MYO1H: variants seen among roughly 807,000 people sequenced by gnomAD.
MYO1H encodes unconventional myosin-Ih.
In MYO1H, 118 loss-of-function variants were observed where a neutral mutation model predicts 149.3. The ratio of observed to expected loss-of-function variants is 0.79; its 90% CI spans 0.68 to 0.92. The LOEUF (loss-of-function observed/expected upper bound fraction) is 0.92. Among genes scored for constraint, MYO1H ranks in the 40% least tolerant of loss-of-function variants. MYO1H has a pLI of 0.00. For synonymous variants in MYO1H, 447 were observed against 465.2 expected, an observed-to-expected ratio of 0.96 and a Z score of 0.50; for missense variants, 1,212 against 1,280.7, an observed-to-expected ratio of 0.95 and a Z score of 0.82.
At chr12:109,368,662 G>C (rs935581943) in intron 1 of MYO1H, among the ~76,000 whole-genome samples, 1 of 121,614 alleles carries the variant, frequency 8.2e-6, no homozygotes, top group Non-Finnish European at 1.8e-5. Flanking sequence ...AAAAAAAAAG[G>C]GTTCTTGCTG....
At chr12:109,394,196 C>G (rs189934293) in intron 3 of MYO1H, among the ~76,000 whole-genome samples, 1 of 152,294 alleles carries the variant, frequency 6.6e-6, no homozygotes, top group East Asian at 1.9e-4. Context: ...GAATTATTCA[C>G]CTGAACTCAG....
At chr12:109,405,878 C>T (rs1417001476) in intron 7 of MYO1H, 44 bp from the exon 8 acceptor site, 3 of 1,408,690 alleles carry the variant, frequency 2.1e-6, no homozygotes, top group Admixed American at 3.4e-5. Flanking sequence ...CGTTCTCTTT[C>T]CCTGTCCTGA....
chr12:109,364,433 T>G (rs1868823870), intron 1 of MYO1H, among the ~76,000 whole-genome samples: 1 of 152,088 alleles, frequency 6.6e-6, no homozygotes, highest in Non-Finnish European at 1.5e-5. Context: ...GGCTCAATCC[T>G]CCCACCTCAG....
exon 32 of MYO1H, chr12:109,448,070 A>T (rs1426640180): frequency 6.6e-6 from 1 of 152,126 alleles, no homozygotes; most frequent in Non-Finnish European, 1.5e-5. Context: ...GATTCACCAA[A>T]ACTTAGGTAA....
At chr12:109,348,742 A>G (rs886643783) in intron 1 of MYO1H, among the ~76,000 whole-genome samples, 1 of 152,238 alleles carries the variant, frequency 6.6e-6, no homozygotes, top group Non-Finnish European at 1.5e-5. Context: ...TTTCGATAGC[A>G]TAATCATCTC....
chr12:109,381,869 T>G (rs143344727), intron 1 of MYO1H, among the ~76,000 whole-genome samples: 2 of 152,272 alleles, frequency 1.3e-5, no homozygotes, highest in East Asian at 3.9e-4. Flanking sequence ...AACCAATACA[T>G]ATAAACCTTT....
intron 1 of MYO1H, among the ~76,000 whole-genome samples, chr12:109,366,873 C>T (rs1482904223): frequency 6.6e-6 from 1 of 152,128 alleles, no homozygotes; most frequent in Non-Finnish European, 1.5e-5. Context: ...TGCAAAATGC[C>T]CGCAAATCCG....
chr12:109,328,301 CATTA>C, the MYO1H span, among the ~76,000 whole-genome samples: 1 of 152,014 alleles, frequency 6.6e-6, no homozygotes, highest in Admixed American at 6.5e-5. Context: ...AAGCAACATG[CATTA>C]ATTCTTAATC....
chr12:109,336,176 G>A, the MYO1H span, among the ~76,000 whole-genome samples: 1 of 152,068 alleles, frequency 6.6e-6, no homozygotes, highest in Non-Finnish European at 1.5e-5. Flanking sequence ...GTCCCTTGAT[G>A]TTGTCTCTCA....
In MYO1H at chr12:109,396,374, C is replaced by G; in HGVS notation, c.291-10C>G. ...AAAACGAATTTGTTTCCGTCTCACT[C>G]CTCCTCCAGCTACGCTATAGCCGAC... On this transcript the variant is annotated splice_polypyrimidine_tract_variant and intron_variant, in intron 3 of 31. Transcript: ENST00000310903. 1.3e-6 allele frequency: 2 copies of G among 1,592,390 alleles called. No individual in the cohort carries two copies. Among genetic ancestry groups the G allele is most frequent in the Non-Finnish European group, 1.7e-6 (2 of 1,167,872 alleles).
At chr12:109,341,650 A>C in the MYO1H span, among the ~76,000 whole-genome samples, 3 of 152,312 alleles carry the variant, frequency 2.0e-5, no homozygotes, top group South Asian at 6.2e-4. Context: ...GCTAGCCAGA[A>C]GCAGAGCATC....
chr12:109,437,410 AC>A (rs1422092201), intron 22 of MYO1H, among the ~76,000 whole-genome samples: 3 of 152,172 alleles, frequency 2.0e-5, no homozygotes, highest in Non-Finnish European at 4.4e-5. Context: ...TTGAAATTCA[AC>A]CAGGAGATGT....
At chr12:109,361,239 T>G (rs1868739187) in intron 1 of MYO1H, among the ~76,000 whole-genome samples, 1 of 152,100 alleles carries the variant, frequency 6.6e-6, no homozygotes, top group Non-Finnish European at 1.5e-5. Flanking sequence ...CTTAATAAAT[T>G]ATAAAGTGTA....
chr12:109,365,385 A>G (rs1294372425), intron 1 of MYO1H, among the ~76,000 whole-genome samples: 1 of 152,248 alleles, frequency 6.6e-6, no homozygotes, highest in Non-Finnish European at 1.5e-5. Context: ...AACTGAAAAT[A>G]CTTCCCAGGC....
chr12:109,418,115 C>T (rs1871011384), intron 15 of MYO1H, among the ~76,000 whole-genome samples: 2 of 151,640 alleles, frequency 1.3e-5, no homozygotes. Flanking sequence ...CGCGCCCGGC[C>T]TAAGATTGGG....
At chr12:109,439,920 G>A in intron 24 of MYO1H, 130 bp downstream of exon 24, 1 of 790,804 alleles carries the variant, frequency 1.3e-6, no homozygotes. Context: ...TCTTCCCAAG[G>A]ATGCTGCACA....
chr12:109,331,332 C>T, the MYO1H span, among the ~76,000 whole-genome samples: 19 of 152,204 alleles, frequency 1.2e-4, no homozygotes, highest in Admixed American at 6.5e-4. Context: ...TGCTCTTCAT[C>T]CCACCACATA....
the MYO1H span, among the ~76,000 whole-genome samples, chr12:109,318,736 C>T: frequency 5.9e-5 from 9 of 152,230 alleles, no homozygotes; most frequent in East Asian, 1.2e-3. Context: ...AGACCAGAAG[C>T]GACTGGGTGG....
chr12:109,331,648 C>T, the MYO1H span, among the ~76,000 whole-genome samples: 1 of 152,112 alleles, frequency 6.6e-6, no homozygotes, highest in East Asian at 1.9e-4. Flanking sequence ...ACTTTTTAGA[C>T]CTTTCAGGAA....
Sources: allele counts gnomAD v4.1 joint callset (sites outside exome capture counted in the v4.1 genomes callset), GRCh38; gene constraint gnomAD v4.1.1; transcripts MANE v1.5; gene names NCBI Gene and HGNC (gene_info 2026-07-23, HGNC 2026-07-21).